Variants in SMYD3 observed in about 807,000 individuals in gnomAD.
SMYD3 encodes histone-lysine N-methyltransferase SMYD3.
SMYD3 carries 36 observed loss-of-function variants against 57.7 expected under a neutral mutation model. The observed-to-expected ratio is 0.62, with a 90% CI of 0.48 to 0.82. SMYD3 has a LOEUF of 0.82. SMYD3 is among the 40% of genes least tolerant of loss of function. The probability of loss-of-function intolerance (pLI) is 0.00; values close to 1 mark genes in which losing one functional copy is unlikely to be tolerated. For missense variants in SMYD3, 515 were observed against 538.8 expected (o/e 0.96, Z 0.44); for synonymous variants, 211 against 195.0 (o/e 1.08, Z -0.68).
chr1:246,307,953 T>A (rs959499437), intron 5 of SMYD3, among the ~76,000 whole-genome samples: 1 of 152,100 alleles, frequency 6.6e-6, no homozygotes, highest in East Asian at 1.9e-4. Flanking sequence ...TTTGCAATGG[T>A]GACTGTTAAA....
chr1:245,969,785 C>CT (rs752676864), intron 5 of SMYD3, among the ~76,000 whole-genome samples: 38 of 152,188 alleles, frequency 2.5e-4, no homozygotes, highest in Non-Finnish European at 4.4e-4. Flanking sequence ...ACCACTAAGT[C>CT]TTCACTCCAT....
chr1:246,027,010 G>A (rs2059586859), intron 5 of SMYD3, among the ~76,000 whole-genome samples: 2 of 152,230 alleles, frequency 1.3e-5, no homozygotes, highest in Admixed American at 1.3e-4. Flanking sequence ...ATCAGAAAGT[G>A]AGACAGCCTT....
At chr1:246,299,295 T>C (rs1197627514) in intron 5 of SMYD3, among the ~76,000 whole-genome samples, 6 of 152,134 alleles carry the variant, frequency 3.9e-5, no homozygotes, top group Admixed American at 1.3e-4. Flanking sequence ...CACAAAGAGA[T>C]ACCATCTCAT....
Position 245,806,271 on chromosome 1 carries a change from A to G in SMYD3, c.1077-42122T>C, listed in dbSNP as rs189690366. Among the ~76,000 whole-genome samples the G allele has an allele frequency of 2.7e-3, 406 of 152,344 alleles. 2 individuals are homozygous for G. The highest frequency in any genetic ancestry group is 9.2e-3 in the African/African-American group (383 of 41,588). The stretch of plus-strand genomic sequence containing the variant: ...TAAAAAAGAGAAATGCTGATGTTCT[A>G]TTTCATGATCAATAATAAAAACAGT... On this transcript the variant is annotated intron_variant, in intron 10 of 11. Coordinates refer to ENST00000490107, the MANE Select transcript of SMYD3 (RefSeq NM_001167740.2).
chr1:246,212,881 T>C (rs2063111532), intron 5 of SMYD3, among the ~76,000 whole-genome samples: 1 of 152,108 alleles, frequency 6.6e-6, no homozygotes, highest in Non-Finnish European at 1.5e-5. Flanking sequence ...AGACAGGACG[T>C]TCTTGGGTTA....
chr1:246,487,093 T>A (rs2068199672), intron 1 of SMYD3, among the ~76,000 whole-genome samples: 1 of 152,176 alleles, frequency 6.6e-6, no homozygotes. Context: ...CAAGACACAA[T>A]ACCTGCATCC....
At chr1:246,142,997 C>T (rs2061782603) in intron 5 of SMYD3, among the ~76,000 whole-genome samples, 1 of 152,054 alleles carries the variant, frequency 6.6e-6, no homozygotes, top group East Asian at 1.9e-4. Flanking sequence ...TGTGTAAGAC[C>T]CACATGGAAT....
chr1:245,856,291 A>G (rs1484740722), intron 10 of SMYD3, among the ~76,000 whole-genome samples: 2 of 152,220 alleles, frequency 1.3e-5, no homozygotes, highest in Non-Finnish European at 2.9e-5. Context: ...CAGCTTTAAA[A>G]GCAAATGATT....
intron 2 of SMYD3, 139 bp from the exon 3 acceptor site, chr1:246,335,613 T>C: frequency 1.5e-6 from 1 of 671,124 alleles, no homozygotes; most frequent in Non-Finnish European, 2.5e-6. Context: ...AAAGCAATAT[T>C]CTAAATCTGA....
chr1:246,507,210 G>T lies in SMYD3; in HGVS notation c.8C>A (p.Pro3Gln). 5 of 1,519,344 alleles carry T rather than the reference G, an allele frequency of 3.3e-6. No individual in the cohort carries two copies. Among genetic ancestry groups the T allele is most frequent in the Non-Finnish European group, 4.4e-6 (5 of 1,132,160 alleles). 94.1% of individuals were successfully genotyped at this position (1,519,344 alleles called of 1,614,324 possible). A position where few individuals can be genotyped will look rare whatever the true frequency, so the allele number is the denominator to read the frequency against. The change falls in exon 1 of 12, where the codon CCG becomes CAG. Residue 3 changes from proline (P) to glutamine (Q), a missense_variant. Pro to Gln is a moderately conservative substitution (Grantham distance 76, BLOSUM62 -1). Coordinates refer to ENST00000490107, the MANE Select transcript of SMYD3 (RefSeq NM_001167740.2). MEPLKVEKFATAK... is the reference protein window; with the variant it reads MEQLKVEKFATAK... The stretch of plus-strand genomic sequence containing the variant: ...GGTTGCGAACTTTTCCACCTTCAGC[G>T]GCTCCATCCTCCCGCAGCTCCGGCA...
chr1:246,021,016 T>C (rs1322653514), intron 5 of SMYD3, among the ~76,000 whole-genome samples: 1 of 152,208 alleles, frequency 6.6e-6, no homozygotes, highest in Non-Finnish European at 1.5e-5. Flanking sequence ...CAAATTTGAT[T>C]GTAAACATAA....
intron 11 of SMYD3, among the ~76,000 whole-genome samples, chr1:245,752,221 G>A (rs1025928763): frequency 1.3e-5 from 2 of 152,204 alleles, no homozygotes; most frequent in Admixed American, 1.3e-4. Flanking sequence ...AAGATGAATG[G>A]GGCAGAATCA....
intron 5 of SMYD3, among the ~76,000 whole-genome samples, chr1:246,248,241 T>G (rs2063741008): frequency 6.6e-6 from 1 of 152,186 alleles, no homozygotes. Context: ...CTGCCCAGAA[T>G]GTTCTGACCA....
intron 5 of SMYD3, among the ~76,000 whole-genome samples, chr1:246,105,836 C>T (rs747291262): frequency 1.3e-5 from 2 of 152,150 alleles, no homozygotes; most frequent in African/African-American, 4.8e-5. Context: ...GAAATTCAAA[C>T]CCTCTATTTT....
intron 5 of SMYD3, among the ~76,000 whole-genome samples, chr1:245,965,329 C>T (rs1181117033): frequency 3.9e-5 from 6 of 152,056 alleles, no homozygotes; most frequent in East Asian, 1.9e-4. Context: ...TCATGTTATT[C>T]GAAAATGGAC....
chr1:245,790,210 T>C (rs1402611220), intron 10 of SMYD3, among the ~76,000 whole-genome samples: 1 of 152,020 alleles, frequency 6.6e-6, no homozygotes, highest in African/African-American at 2.4e-5. Flanking sequence ...AAAATTAGGC[T>C]GATGAAAAAA....
intron 1 of SMYD3, among the ~76,000 whole-genome samples, chr1:246,414,478 GT>G (rs567298665): frequency 8.1e-4 from 123 of 152,192 alleles, no homozygotes; most frequent in Non-Finnish European, 1.4e-3. Flanking sequence ...TAAGGTTTGA[GT>G]TTCCTAGAGG....
intron 5 of SMYD3, among the ~76,000 whole-genome samples, chr1:246,279,915 C>T (rs965542588): frequency 2.6e-5 from 4 of 152,118 alleles, no homozygotes; most frequent in African/African-American, 9.7e-5. Flanking sequence ...GGAAAGTGTA[C>T]TAAGGCATCA....
chr1:246,123,914 CCTTT>C (rs2061465357), intron 5 of SMYD3, among the ~76,000 whole-genome samples: 2 of 152,168 alleles, frequency 1.3e-5, no homozygotes, highest in Non-Finnish European at 2.9e-5. Flanking sequence ...CTGCCATCAG[CCTTT>C]CTTCCTATCA....
Sources: allele counts gnomAD v4.1 joint callset (sites outside exome capture counted in the v4.1 genomes callset), GRCh38; gene constraint gnomAD v4.1.1; transcripts MANE v1.5; gene names NCBI Gene and HGNC (gene_info 2026-07-23, HGNC 2026-07-21).